Variants in ELMO1 observed in about 807,000 individuals in gnomAD.
ELMO1 encodes the protein engulfment and cell motility 1.
In ELMO1, 26 loss-of-function variants were observed where a neutral mutation model predicts 98.9. The observed-to-expected ratio is 0.26, with a 90% confidence interval of 0.19 to 0.36. ELMO1 has a LOEUF of 0.36. Ranked by LOEUF, ELMO1 falls within the 10% of genes least tolerant of loss-of-function variation. ELMO1 has a pLI of 1.00. For synonymous variants in ELMO1, 346 were observed against 346.0 expected (o/e 1.00, Z 0.00); for missense variants, 627 against 935.2 (o/e 0.67, Z 4.30).
At chr7:37,415,774 C>G (rs1432445350) in intron 1 of ELMO1, among the ~76,000 whole-genome samples, 1 of 152,154 alleles carries the variant, frequency 6.6e-6, no homozygotes, top group Admixed American at 6.5e-5. Flanking sequence ...TAATAACTCT[C>G]AATATAAAGT....
intron 1 of ELMO1, among the ~76,000 whole-genome samples, chr7:37,378,732 T>C (rs1405975654): frequency 1.3e-5 from 2 of 152,092 alleles, no homozygotes; most frequent in Non-Finnish European, 2.9e-5. Flanking sequence ...GTTCAAACAA[T>C]TTGAAAATCA....
intron 15 of ELMO1, among the ~76,000 whole-genome samples, chr7:37,076,967 C>T (rs1037823718): frequency 1.3e-5 from 2 of 152,204 alleles, no homozygotes; most frequent in Non-Finnish European, 2.9e-5. Flanking sequence ...GGAGATTTTA[C>T]GGATTATTTA....
At chr7:37,362,570 C>A (rs540079324) in intron 1 of ELMO1, among the ~76,000 whole-genome samples, 3 of 152,302 alleles carry the variant, frequency 2.0e-5, no homozygotes, top group Non-Finnish European at 4.4e-5. Context: ...AAATGTATAT[C>A]CTGAACCCAA....
chr7:37,082,037 T>A (rs1797890155), intron 15 of ELMO1, among the ~76,000 whole-genome samples: 1 of 152,210 alleles, frequency 6.6e-6, no homozygotes, highest in Admixed American at 6.5e-5. Flanking sequence ...CTAAGAAACA[T>A]GAGAGCTATG....
chr7:37,382,931 G>A (rs967635432), intron 1 of ELMO1, among the ~76,000 whole-genome samples: 6 of 152,178 alleles, frequency 3.9e-5, no homozygotes, highest in Admixed American at 1.3e-4. Flanking sequence ...GAACCTAGGA[G>A]GGTAGAGACA....
chr7:37,138,182 A>C (rs1023468961), intron 13 of ELMO1, among the ~76,000 whole-genome samples: 1 of 152,166 alleles, frequency 6.6e-6, no homozygotes, highest in African/African-American at 2.4e-5. Context: ...ACCCAAACCC[A>C]GCAGAAGAAA....
At chr7:37,395,560 C>T (rs1303137867) in intron 1 of ELMO1, among the ~76,000 whole-genome samples, 1 of 151,986 alleles carries the variant, frequency 6.6e-6, no homozygotes. Flanking sequence ...GTTTTCAGAA[C>T]TTGATGAGAT....
At chr7:37,341,044 C>T (rs1330799783) in intron 2 of ELMO1, among the ~76,000 whole-genome samples, 1 of 152,226 alleles carries the variant, frequency 6.6e-6, no homozygotes, top group Non-Finnish European at 1.5e-5. Context: ...TTGAACTACA[C>T]ACAGGGATAC....
intron 1 of ELMO1, among the ~76,000 whole-genome samples, chr7:37,369,003 G>T (rs1316335459): frequency 6.6e-6 from 1 of 152,050 alleles, no homozygotes; most frequent in African/African-American, 2.4e-5. Context: ...TTCCCTCTCG[G>T]CATTTTACAA....
chr7:37,053,164 A>T (rs1350824742), intron 15 of ELMO1, among the ~76,000 whole-genome samples: 1 of 152,190 alleles, frequency 6.6e-6, no homozygotes, highest in African/African-American at 2.4e-5. Flanking sequence ...ATGGCCAAAA[A>T]TCAAAAGACA....
chr7:37,297,321 C>G (rs1798083740), intron 4 of ELMO1, among the ~76,000 whole-genome samples: 1 of 152,086 alleles, frequency 6.6e-6, no homozygotes, highest in Non-Finnish European at 1.5e-5. Context: ...ATGGAACTTT[C>G]TTCACAATAA....
rs565151340 is a variant in ELMO1, at chr7:37,106,626, T to C, written c.1192-9899A>G. 6.6e-5 allele frequency among the ~76,000 whole-genome samples: 10 copies of C among 152,100 alleles called. No homozygotes were observed. In the South Asian group the frequency reaches 2.1e-3, roughly 32 times the overall value. ...GACGAAGACACTACAGGTGTTGAAA[T>C]GGCTCAGGATGACAGTCCTACAGGA... is the stretch of plus-strand genomic sequence containing the variant. On this transcript the variant is annotated intron_variant, in intron 14 of 21. Coordinates refer to ENST00000310758, the MANE Select transcript of ELMO1 (RefSeq NM_014800.11).
At chr7:37,122,650 C>T (rs1390900555) in intron 14 of ELMO1, among the ~76,000 whole-genome samples, 2 of 152,084 alleles carry the variant, frequency 1.3e-5, no homozygotes, top group Admixed American at 6.6e-5. Flanking sequence ...TCCTTAGAGA[C>T]TACAAAGAGA....
chr7:37,032,851 C>G (rs892184721), intron 15 of ELMO1, among the ~76,000 whole-genome samples: 1 of 152,036 alleles, frequency 6.6e-6, no homozygotes, highest in African/African-American at 2.4e-5. Context: ...AGGAGAGCAA[C>G]AAGATAAAGT....
intron 15 of ELMO1, among the ~76,000 whole-genome samples, chr7:37,028,747 C>T (rs943024253): frequency 6.6e-6 from 1 of 152,058 alleles, no homozygotes; most frequent in Non-Finnish European, 1.5e-5. Context: ...TACACCTAGC[C>T]GATTCTTTAT....
At chr7:37,173,759 G>A (rs1382678853) in intron 13 of ELMO1, among the ~76,000 whole-genome samples, 1 of 152,180 alleles carries the variant, frequency 6.6e-6, no homozygotes. Context: ...CTTTTTAAAA[G>A]GTCTCTCTTT....
intron 1 of ELMO1, among the ~76,000 whole-genome samples, chr7:37,345,147 A>C (rs1800934446): frequency 6.6e-6 from 1 of 152,238 alleles, no homozygotes; most frequent in Non-Finnish European, 1.5e-5. Flanking sequence ...CTGAGAAGCT[A>C]ATCAGTGGTA....
chr7:37,407,284 C>G (rs899631343), intron 1 of ELMO1, among the ~76,000 whole-genome samples: 1 of 152,002 alleles, frequency 6.6e-6, no homozygotes, highest in Admixed American at 6.6e-5. Context: ...CCGAGGTGGG[C>G]AGATCACGAG....
intron 16 of ELMO1, among the ~76,000 whole-genome samples, chr7:37,002,392 G>C (rs532821614): frequency 6.6e-6 from 1 of 152,358 alleles, no homozygotes; most frequent in South Asian, 2.1e-4. Context: ...CTACCACGAA[G>C]CAGTGCAGAA....
Sources: gnomAD v4.1 joint callset for allele counts (sites outside exome capture counted in the v4.1 genomes callset) on GRCh38, gnomAD v4.1.1 for gene constraint, MANE v1.5 for transcripts, NCBI Gene and HGNC (gene_info 2026-07-23, HGNC 2026-07-21) for gene names.